The following TBC1D16 variants were observed in gnomAD, a reference collection of about 807,000 sequenced individuals.
TBC1D16 encodes the protein TBC1 domain family member 16, also known as CTD-2529O21.1.
Under a neutral mutation model 74.7 loss-of-function variants are expected in TBC1D16, and 58 were observed. The ratio of observed to expected loss-of-function variants is 0.78; its 90% confidence interval spans 0.63 to 0.97. The LOEUF (loss-of-function observed/expected upper bound fraction) is 0.97, where lower values mean the gene tolerates loss of function less well. Ranked by LOEUF, TBC1D16 falls within the 50% of genes least tolerant of loss-of-function variation. TBC1D16 has a pLI of 0.00. For missense variants in TBC1D16, 1,014 were observed against 1,079.5 expected, an observed-to-expected ratio of 0.94 and a Z score of 0.85; for synonymous variants, 493 against 474.7, an observed-to-expected ratio of 1.04 and a Z score of -0.50.
rs1385915028 is a variant in TBC1D16, at chr17:79,949,015, A to T, written c.1407-9T>A. 1 of 1,613,958 alleles carries T rather than the reference A, an allele frequency of 6.2e-7. No homozygotes were observed. Among genetic ancestry groups the T allele is most frequent in the Non-Finnish European group, 8.5e-7 (1 of 1,179,964 alleles). On this transcript the variant is annotated splice_polypyrimidine_tract_variant and intron_variant, in intron 7 of 11. Transcript: ENST00000310924. ...CGGGAGTCATGGAGAGCCTGTGTGGAGCCGAGCACCCAGCCGGGGTCAGCG... is the reference window on the plus strand; with the variant it reads ...CGGGAGTCATGGAGAGCCTGTGTGGTGCCGAGCACCCAGCCGGGGTCAGCG...
intron 1 of TBC1D16, among the ~76,000 whole-genome samples, chr17:80,025,304 C>T (rs955078085): frequency 6.8e-6 from 1 of 146,836 alleles, no homozygotes; most frequent in Admixed American, 6.7e-5. Flanking sequence ...GGGCCCCACT[C>T]CTTCCCAGCT....
chr17:79,992,603 C>T (rs1269992080), intron 3 of TBC1D16, among the ~76,000 whole-genome samples: 1 of 152,246 alleles, frequency 6.6e-6, no homozygotes, highest in East Asian at 1.9e-4. Context: ...CAGTCCGAGG[C>T]TCCCAGGAGA....
In TBC1D16 at chr17:80,022,618, C is replaced by T. The variant is rs551252002; in HGVS notation, c.-62-9009G>A. ...CCTCCAAAAGTGCTGGGATTACAGG[C>T]GTGAGCCACCACGTCCGGCCCTGTT... is the stretch of plus-strand genomic sequence containing the variant. On this transcript the variant is annotated intron_variant, in intron 1 of 11. Transcript: ENST00000310924. Among the ~76,000 whole-genome samples, 9 of 148,990 alleles carry T rather than the reference C, an allele frequency of 6.0e-5. No individual in the cohort carries two copies. In the East Asian group the frequency reaches 1.4e-3, roughly 23 times the overall value.
chr17:79,983,575 C>T lies in TBC1D16; in HGVS notation c.779+26585G>A, dbSNP rs898026421. 1.5e-4 allele frequency among the ~76,000 whole-genome samples: 23 copies of T among 152,206 alleles called. No homozygotes were observed. The highest frequency in any genetic ancestry group is 3.6e-4 in the African/African-American group (15 of 41,450). On this transcript the variant is annotated intron_variant, in intron 3 of 11. Transcript: ENST00000310924. This position sits in a 1 kb window ranked among gnomAD's most constrained non-coding sequence, Gnocchi z 5.6. ...CCACCGACGGCTACAAAGACGGGGA[C>T]GCTTTCCTAGGGCTCAAAGCAAGGC...
At position 79,993,725 on chromosome 17, in the gene TBC1D16, G is replaced by T. The variant is rs918629665; in HGVS notation, c.779+16435C>A. 1.3e-5 allele frequency: 2 copies of T among 152,210 alleles called. No homozygotes were observed. Among genetic ancestry groups the T allele is most frequent in the Non-Finnish European group, 2.9e-5 (2 of 68,040 alleles). The allele number at this position is 152,210 out of a possible 1,614,324, so 9.4% of individuals were successfully genotyped here. ...GGCGCTGCCACATCACTGCCTCTGG[G>T]AGCCCGTGACCTCATGCTCAGAGCT... On this transcript the variant is annotated intron_variant, in intron 3 of 11. Coordinates refer to ENST00000310924, the MANE Select transcript of TBC1D16 (RefSeq NM_019020.4). This position sits in a 1 kb window ranked among gnomAD's most constrained non-coding sequence, Gnocchi z 5.1.
Position 80,010,446 on chromosome 17 carries a change from C to T in TBC1D16, c.493G>A (p.Ala165Thr). 6.2e-7 allele frequency: 1 copy of T among 1,609,182 alleles called. No homozygotes were observed. Among genetic ancestry groups the T allele is most frequent in the Non-Finnish European group, 8.5e-7 (1 of 1,178,064 alleles). The change falls in exon 3 of 12, where the codon GCG (alanine) becomes ACG (threonine). Residue 165 changes from alanine (A) to threonine (T), a missense_variant. Ala to Thr is a moderately conservative substitution (Grantham distance 58). Coordinates refer to ENST00000310924, the MANE Select transcript of TBC1D16 (RefSeq NM_019020.4). This position sits in a 1 kb window ranked among gnomAD's most constrained non-coding sequence, Gnocchi z 8.8. ...GCACCATCCACCCCCAAGCCCTGCG[C>T]CAGCTTCTCCTCATCCTCTGGCGCA... ...SPAPEDEEKL[A>T]QGLGVDGAQP...
At chr17:79,942,834 G>A (rs2032145298) in intron 10 of TBC1D16, among the ~76,000 whole-genome samples, 1 of 152,218 alleles carries the variant, frequency 6.6e-6, no homozygotes, top group African/African-American at 2.4e-5. Context: ...CCCTGTCCTT[G>A]AGCCTCTTTT....
Position 79,994,183 on chromosome 17 carries a change from G to A in TBC1D16, c.779+15977C>T, listed in dbSNP as rs551530323. Among the ~76,000 whole-genome samples the A allele has an allele frequency of 6.6e-6, 1 of 151,958 alleles. No homozygotes were observed. Among genetic ancestry groups the A allele is most frequent in the African/African-American group, 2.4e-5 (1 of 41,398 alleles). Reference sequence around the variant, plus strand: ...GACAGTCAATAACAGCATGGTTTAAGACGGCCCACCAGATGCACTGGCTCC... The same window carrying A: ...GACAGTCAATAACAGCATGGTTTAAAACGGCCCACCAGATGCACTGGCTCC... On this transcript the variant is annotated intron_variant, in intron 3 of 11. Transcript: ENST00000310924. The surrounding 1 kb of genome is among the most constrained non-coding windows in gnomAD (Gnocchi z 4.6).
chr17:80,005,105 G>A (rs1343282742), intron 3 of TBC1D16, among the ~76,000 whole-genome samples: 1 of 152,076 alleles, frequency 6.6e-6, no homozygotes, highest in South Asian at 2.1e-4. Context: ...TTTTTGACAA[G>A]GTCTCACTCT....
intron 1 of TBC1D16, among the ~76,000 whole-genome samples, chr17:80,017,984 T>G (rs890112625): frequency 1.4e-4 from 21 of 152,276 alleles, no homozygotes; most frequent in African/African-American, 4.3e-4. Context: ...ATATTGTCCT[T>G]CCCAATAATC....
chr17:79,998,374 T>C (rs988701266), intron 3 of TBC1D16, among the ~76,000 whole-genome samples: 15 of 151,374 alleles, frequency 9.9e-5, no homozygotes, highest in Admixed American at 2.0e-4. Context: ...GTGACCCAGG[T>C]TGGAGGGCAG....
rs1161818645 is a variant in TBC1D16, at chr17:80,009,697, C to A, written c.779+463G>T. On this transcript the variant is annotated intron_variant, in intron 3 of 11. Transcript: ENST00000310924. This position sits in a 1 kb window ranked among gnomAD's most constrained non-coding sequence, Gnocchi z 5.4. ...GTGCCCAGTGGGCTGCAGGGCAGAG[C>A]GGGGAGCTGGAGACCAGCACATCTG... 1.3e-5 allele frequency among the ~76,000 whole-genome samples: 2 copies of A among 152,222 alleles called. No individual in the cohort carries two copies. The highest frequency in any genetic ancestry group is 1.5e-5 in the Non-Finnish European group (1 of 68,026).
In TBC1D16 at chr17:79,935,943, T is replaced by A. The variant is rs1598297947; in HGVS notation, c.*4916A>T. The A allele has an allele frequency of 6.6e-6, 1 of 152,276 alleles. No individual in the cohort carries two copies. The highest frequency in any genetic ancestry group is 1.9e-4 in the East Asian group (1 of 5,172). 9.4% of individuals were successfully genotyped at this position (152,276 alleles called of 1,614,324 possible). A position where few individuals can be genotyped will look rare whatever the true frequency, so the allele number is the denominator to read the frequency against. On this transcript the variant is annotated 3_prime_UTR_variant, in exon 12 of 12. Transcript: ENST00000310924. ...TCTCTTTGAACTTGAAATGCTACCT[T>A]CCTACCCGGAAATGCGACACACTAT...
chr17:79,934,733 C>T lies in TBC1D16; in HGVS notation c.*6126G>A, dbSNP rs72847429. 0.3 allele frequency: 45,495 copies of T among 152,390 alleles called. 7,052 individuals are homozygous for T. Among genetic ancestry groups the T allele is most frequent in the East Asian group, 0.42 (2,148 of 5,154 alleles). The allele number at this position is 152,390 out of a possible 1,614,324, so 9.4% of individuals were successfully genotyped here. On this transcript the variant is annotated 3_prime_UTR_variant, in exon 12 of 12. Coordinates refer to ENST00000310924, the MANE Select transcript of TBC1D16 (RefSeq NM_019020.4). ...GGCATGTGGAGAGGAGGTGATGAGG[C>T]GCTCAGATGTCGAGGCCAAGGCCAG...
At chr17:79,976,896 T>C (rs2144200186) in intron 3 of TBC1D16, among the ~76,000 whole-genome samples, 1 of 152,006 alleles carries the variant, frequency 6.6e-6, no homozygotes, top group South Asian at 2.1e-4. Flanking sequence ...TCTCATCCCA[T>C]CCTCTCCTGC....
intron 3 of TBC1D16, among the ~76,000 whole-genome samples, chr17:79,969,360 T>C (rs1263626929): frequency 6.6e-6 from 1 of 152,148 alleles, no homozygotes; most frequent in Non-Finnish European, 1.5e-5. Flanking sequence ...CACTACTGCC[T>C]GGGCAACAGA....
chr17:80,015,509 T>C (rs1281667823), intron 1 of TBC1D16, among the ~76,000 whole-genome samples: 1 of 152,068 alleles, frequency 6.6e-6, no homozygotes, highest in Non-Finnish European at 1.5e-5. Context: ...ATGGGGGATG[T>C]CCAGGACTCT....
In TBC1D16 at chr17:79,938,482, GC is replaced by G. The variant is rs1175822801; in HGVS notation, c.*2376del. ...ACTAGGACCTTCCCAAGTGAGGGGA[GC>G]CCTGGACCTGTCTATCCTCTTCCTC... On this transcript the variant is annotated 3_prime_UTR_variant, in exon 12 of 12. Coordinates refer to ENST00000310924, the MANE Select transcript of TBC1D16 (RefSeq NM_019020.4). The G allele has an allele frequency of 6.6e-6, 1 of 152,284 alleles. No individual in the cohort carries two copies. Among genetic ancestry groups the G allele is most frequent in the African/African-American group, 2.4e-5 (1 of 41,440 alleles). The allele number at this position is 152,284 out of a possible 1,614,324, so 9.4% of individuals were successfully genotyped here.
Position 79,987,795 on chromosome 17 carries a change from T to C in TBC1D16, c.779+22365A>G, listed in dbSNP as rs977020436. 2.0e-5 allele frequency among the ~76,000 whole-genome samples: 3 copies of C among 148,264 alleles called. No individual in the cohort carries two copies. The East Asian group carries it at 6.0e-4, about 30-fold the overall frequency. ...TTTGGGTTCCACAGAGTTTAGGGGCTCCTACAAACAGCGGCTTACGGGCTG... is the reference window on the plus strand; with the variant it reads ...TTTGGGTTCCACAGAGTTTAGGGGCCCCTACAAACAGCGGCTTACGGGCTG... On this transcript the variant is annotated intron_variant, in intron 3 of 11. Transcript: ENST00000310924. The surrounding 1 kb of genome is among the most constrained non-coding windows in gnomAD (Gnocchi z 5.2).
Sources: gnomAD v4.1 joint callset for allele counts (sites outside exome capture counted in the v4.1 genomes callset) on GRCh38, gnomAD v4.1.1 for gene constraint, Gnocchi (gnomAD v3.1) non-coding constraint, MANE v1.5 for transcripts, NCBI Gene and HGNC (gene_info 2026-07-23, HGNC 2026-07-21) for gene names.